Variants in TPM4 observed in about 807,000 individuals in gnomAD.
TPM4 encodes tropomyosin alpha-4 chain.
A neutral mutation model predicts 35.8 loss-of-function variants in TPM4; 17 were observed. The observed-to-expected ratio is 0.47, with a 90% CI of 0.32 to 0.71. The LOEUF (loss-of-function observed/expected upper bound fraction) is 0.71, where lower values mean the gene tolerates loss of function less well. Ranked by LOEUF, TPM4 falls within the 30% of genes least tolerant of loss-of-function variation. TPM4 has a pLI of 0.03. For synonymous variants in TPM4, 120 were observed against 122.9 expected (o/e 0.98, Z 0.15); for missense variants, 240 against 320.9 (o/e 0.75, Z 1.93).
At chr19:16,083,678 G>A (rs2090513367) in intron 2 of TPM4, among the ~76,000 whole-genome samples, 1 of 144,696 alleles carries the variant, frequency 6.9e-6, no homozygotes, top group African/African-American at 2.8e-5. Context: ...CATCGCGTCT[G>A]CCCCTCATTC....
At chr19:16,088,199 C>G in intron 4 of TPM4, 102 bp downstream of exon 4, 2 of 1,497,000 alleles carry the variant, frequency 1.3e-6, no homozygotes, top group Non-Finnish European at 1.8e-6. Flanking sequence ...GGTCTCTGCT[C>G]AAGTGGACGG....
upstream of TPM4, chr19:16,075,486 G>GAGCCCTTC (rs2090394616): frequency 1.3e-5 from 2 of 152,436 alleles, no homozygotes; most frequent in Admixed American, 6.5e-5. Context: ...GACTAGGTCT[G>GAGCCCTTC]AGCCCTTCAG....
intron 3 of TPM4, 149 bp downstream of exon 3, chr19:16,086,689 C>T: frequency 1.5e-6 from 1 of 646,216 alleles, no homozygotes; most frequent in Non-Finnish European, 2.7e-6. Context: ...GAGACAACCA[C>T]TTGGCTAGGA....
At position 16,081,950 on chromosome 19, in the gene TPM4, A is replaced by G; in HGVS notation, c.170A>G (p.Gln57Arg). 2 of 1,607,918 alleles carry G rather than the reference A, an allele frequency of 1.2e-6. No homozygotes were observed. The highest frequency in any genetic ancestry group is 1.7e-6 in the Non-Finnish European group (2 of 1,174,928). ...GTGGCCGCCCTCAACCGACGCATCC[A>G]GCTCGTTGAGGAGGAGTTGGACAGG... Reference protein sequence around the residue: ...GDVAALNRRIQLVEEELDRAQ... With the variant: ...GDVAALNRRIRLVEEELDRAQ... The change falls in exon 2 of 8, where the codon CAG (glutamine) becomes CGG (arginine). Residue 57 changes from glutamine to arginine, a missense_variant. Gln to Arg is a conservative substitution (Grantham distance 43). Transcript: ENST00000643579.
intron 7 of TPM4, chr19:16,100,485 G>C (rs1344677356): frequency 6.6e-6 from 1 of 152,156 alleles, no homozygotes; most frequent in Non-Finnish European, 1.5e-5. Flanking sequence ...TTTGGTGCTT[G>C]TTCCTTAGTA....
upstream of TPM4, chr19:16,075,505 A>C (rs1382600196): frequency 6.6e-6 from 1 of 152,556 alleles, no homozygotes; most frequent in African/African-American, 2.4e-5. Context: ...AGCCCTTCAG[A>C]GTATTTTGGT....
Position 16,067,755 on chromosome 19 carries a change from T to C in TPM4, c.114+17T>C, listed in dbSNP as rs906765933. The C allele has an allele frequency of 1.3e-5, 21 of 1,607,828 alleles. No homozygotes were observed. Among genetic ancestry groups the C allele is most frequent in the Middle Eastern group, 3.3e-4 (2 of 6,070 alleles). ...TGCAAGCAGGTGAGGTGCCCTCCGC[T>C]GGGCCGCTCCGGGCTGCTGGGAGTC... is the stretch of plus-strand genomic sequence containing the variant. On this transcript the variant is annotated intron_variant, in intron 2 of 2. Transcript: ENST00000589897. This position sits in a 1 kb window ranked among gnomAD's most constrained non-coding sequence, Gnocchi z 4.1.
rs957551919 is a variant in TPM4 at position 16,070,654 on chromosome 19, C to T, written c.114+2916C>T. 6.6e-6 allele frequency among the ~76,000 whole-genome samples: 1 copy of T among 152,190 alleles called. No individual in the cohort carries two copies. Among genetic ancestry groups the T allele is most frequent in the Non-Finnish European group, 1.5e-5 (1 of 68,026 alleles). ...CATGACAGGATTAGAGGTGACTGTA[C>T]AGGTGGAACCCTTGGCCCGGAGCCT... On this transcript the variant is annotated intron_variant, in intron 2 of 2. Transcript: ENST00000589897. This position sits in a 1 kb window ranked among gnomAD's most constrained non-coding sequence, Gnocchi z 7.4.
At chr19:16,076,365 C>CCCCTACTTT, upstream of TPM4, 1 of 1,440,856 alleles carries the variant, frequency 6.9e-7, no homozygotes, top group Non-Finnish European at 9.0e-7. Flanking sequence ...GTCAGGCCCT[C>CCCCTACTTT]CCCCAGCGGT....
At chr19:16,095,912 G>A (rs1247629967) in intron 7 of TPM4, 1 of 151,050 alleles carries the variant, frequency 6.6e-6, no homozygotes, top group Non-Finnish European at 1.5e-5. Context: ...CACCACACAA[G>A]GCTAATTTTT....
In TPM4 at chr19:16,070,648, A is replaced by T. The variant is rs993775817; in HGVS notation, c.114+2910A>T. Among the ~76,000 whole-genome samples the T allele has an allele frequency of 7.2e-5, 11 of 152,168 alleles. No homozygotes were observed. The highest frequency in any genetic ancestry group is 2.4e-4 in the African/African-American group (10 of 41,432). ...CCACCCCATGACAGGATTAGAGGTG[A>T]CTGTACAGGTGGAACCCTTGGCCCG... On this transcript the variant is annotated intron_variant, in intron 2 of 2. Coordinates refer to the TPM4 transcript ENST00000589897. The surrounding 1 kb of genome is among the most constrained non-coding windows in gnomAD (Gnocchi z 7.4).
intron 2 of TPM4, 63 bp downstream of exon 2, chr19:16,082,109 C>T (rs1019759995): frequency 4.7e-5 from 73 of 1,547,290 alleles, no homozygotes; most frequent in East Asian, 3.5e-4. Flanking sequence ...ATCATGCTGC[C>T]GACCTCGCAG....
chr19:16,068,127 A>G (rs1004139140), intron 2 of TPM4, among the ~76,000 whole-genome samples: 3 of 149,408 alleles, frequency 2.0e-5, no homozygotes, highest in African/African-American at 7.4e-5. Flanking sequence ...GTGTGTGTGT[A>G]CGTGTGTGCG....
intron 7 of TPM4, among the ~76,000 whole-genome samples, chr19:16,097,305 G>C (rs565884407): frequency 3.4e-4 from 47 of 137,130 alleles, no homozygotes; most frequent in African/African-American, 1.3e-3. Flanking sequence ...ACGGAGTTTC[G>C]CTCTTGTTGC....
At position 16,067,955 on chromosome 19, in the gene TPM4, C is replaced by T. The variant is rs1358024617; in HGVS notation, c.114+217C>T. ...GGACCCACCCCCAGCAGGGCCAGTGCGAACAAAGTGAGTTTGACAGAGAGA... is the reference window on the plus strand; with the variant it reads ...GGACCCACCCCCAGCAGGGCCAGTGTGAACAAAGTGAGTTTGACAGAGAGA... On this transcript the variant is annotated intron_variant, in intron 2 of 2. Coordinates refer to the TPM4 transcript ENST00000589897. The surrounding 1 kb of genome is among the most constrained non-coding windows in gnomAD (Gnocchi z 4.1). 5.9e-6 allele frequency: 3 copies of T among 508,452 alleles called. No homozygotes were observed. Among genetic ancestry groups the T allele is most frequent in the East Asian group, 3.6e-5 (1 of 27,892 alleles). The allele number at this position is 508,452 out of a possible 1,614,324, so 31.5% of individuals were successfully genotyped here.
chr19:16,072,175 C>T (rs1173622413), upstream of TPM4, among the ~76,000 whole-genome samples: 4 of 152,164 alleles, frequency 2.6e-5, no homozygotes, highest in Admixed American at 1.3e-4. Context: ...GTTGTGTCTT[C>T]GATTCATCCC....
rs1283837196 is a variant in TPM4 at position 16,076,572 on chromosome 19, G to A, written c.7G>A (p.Gly3Ser). The A allele has an allele frequency of 2.8e-5, 41 of 1,462,072 alleles. No individual in the cohort carries two copies. Among genetic ancestry groups the A allele is most frequent in the Non-Finnish European group, 3.5e-5 (39 of 1,112,950 alleles). 90.6% of individuals were successfully genotyped at this position (1,462,072 alleles called of 1,614,324 possible). A position where few individuals can be genotyped will look rare whatever the true frequency, so the allele number is the denominator to read the frequency against. MA[G>S]LNSLEAVKRK... ...GCCTCTGCGCCTCCGCGCCATGGCC[G>A]GCCTCAACTCCCTGGAGGCGGTGAA... Residue 3 changes from glycine to serine, a missense_variant, in exon 1 of 8, where the codon GGC becomes AGC. Transcript: ENST00000643579.
chr19:16,078,845 A>C (rs970454202), intron 1 of TPM4, among the ~76,000 whole-genome samples: 2 of 151,842 alleles, frequency 1.3e-5, no homozygotes, highest in Non-Finnish European at 2.9e-5. Flanking sequence ...AAAAAAAAAA[A>C]AAAACCTTTC....
rs774719174 is a variant in TPM4, at chr19:16,067,787, G to T, written c.114+49G>T. On this transcript the variant is annotated intron_variant, in intron 2 of 2. Transcript: ENST00000589897. The surrounding 1 kb of genome is among the most constrained non-coding windows in gnomAD (Gnocchi z 4.1). The stretch of plus-strand genomic sequence containing the variant: ...CTCCGGGCTGCTGGGAGTCCTCTCT[G>T]TGCGGAAGGCCGGGGTCTGGAGCCC... 1.3e-6 allele frequency: 2 copies of T among 1,568,450 alleles called. No individual in the cohort carries two copies. Among genetic ancestry groups the T allele is most frequent in the South Asian group, 2.3e-5 (2 of 88,056 alleles).
Sources: allele counts gnomAD v4.1 joint callset (sites outside exome capture counted in the v4.1 genomes callset), GRCh38; gene constraint gnomAD v4.1.1; non-coding constraint Gnocchi (gnomAD v3.1); transcripts MANE v1.5; gene names NCBI Gene and HGNC (gene_info 2026-07-23, HGNC 2026-07-21).